The following CDH13 variants were observed in gnomAD, a reference collection of about 807,000 sequenced individuals.
CDH13 encodes the protein cadherin 13.
A neutral mutation model predicts 63.8 loss-of-function variants in CDH13; 24 were observed. The observed-to-expected ratio is 0.38, with a 90% CI of 0.27 to 0.53. The LOEUF is 0.53. Ranked by LOEUF, CDH13 falls within the 20% of genes least tolerant of loss-of-function variation. The pLI is 0.85. For missense variants in CDH13, 1,049 were observed against 903.1 expected (o/e 1.16, Z -2.07); for synonymous variants, 503 against 355.3 (o/e 1.42, Z -4.67).
Position 83,270,950 on chromosome 16 carries a change from C to G in CDH13, c.636+53453C>G, listed in dbSNP as rs535218670. 4.0e-5 allele frequency among the ~76,000 whole-genome samples: 6 copies of G among 148,584 alleles called. No individual in the cohort carries two copies. The East Asian group carries it at 1.2e-3, about 31-fold the overall frequency. On this transcript the variant is annotated intron_variant, in intron 5 of 13. Transcript: ENST00000567109. ...TTCCTTTCTCTTTCCCTTCCTCCCTCCCTCCTTTCTTCCTCCCTCTCTCCT... is the reference window on the plus strand; with the variant it reads ...TTCCTTTCTCTTTCCCTTCCTCCCTGCCTCCTTTCTTCCTCCCTCTCTCCT...
intron 6 of CDH13, among the ~76,000 whole-genome samples, chr16:83,384,795 AT>A (rs1323212482): frequency 6.6e-6 from 1 of 152,204 alleles, no homozygotes; most frequent in Non-Finnish European, 1.5e-5. Context: ...TGGCTTTTGG[AT>A]TCTTTAAGTA....
At chr16:82,867,375 C>T (rs2040185878) in intron 2 of CDH13, among the ~76,000 whole-genome samples, 1 of 152,154 alleles carries the variant, frequency 6.6e-6, no homozygotes, top group African/African-American at 2.4e-5. Flanking sequence ...AGAACTGCTG[C>T]TGCTGCGTAT....
At chr16:83,473,956 G>A (rs17685607) in intron 6 of CDH13, among the ~76,000 whole-genome samples, 2,213 of 152,198 alleles carry the variant, frequency 0.015, 16 homozygotes, top group Non-Finnish European at 0.024. Flanking sequence ...GCTATGGTAC[G>A]AACCCTCATA....
At chr16:83,751,009 T>G (rs1017481595) in intron 11 of CDH13, among the ~76,000 whole-genome samples, 1 of 149,044 alleles carries the variant, frequency 6.7e-6, no homozygotes, top group Non-Finnish European at 1.5e-5. Context: ...AGCATTCTAG[T>G]AGAATAAAGA....
chr16:83,311,062 A>T (rs868648071), intron 5 of CDH13, among the ~76,000 whole-genome samples: 1 of 152,170 alleles, frequency 6.6e-6, no homozygotes. Context: ...AAAGTTCCAT[A>T]TGGAGTTTTA....
chr16:82,893,282 A>T (rs2041145189), intron 2 of CDH13, among the ~76,000 whole-genome samples: 1 of 152,258 alleles, frequency 6.6e-6, no homozygotes, highest in Non-Finnish European at 1.5e-5. Flanking sequence ...GTTTTGATAG[A>T]CATGGCTTAA....
At chr16:83,665,182 AG>A (rs1016547259) in intron 8 of CDH13, among the ~76,000 whole-genome samples, 2 of 151,200 alleles carry the variant, frequency 1.3e-5, no homozygotes, top group Non-Finnish European at 2.9e-5. Flanking sequence ...GAAAAAAAAA[AG>A]CTTCTTCCAC....
At chr16:83,530,691 C>T (rs756910405) in intron 7 of CDH13, among the ~76,000 whole-genome samples, 5 of 152,176 alleles carry the variant, frequency 3.3e-5, no homozygotes, top group Non-Finnish European at 7.3e-5. Context: ...CATTAACTTC[C>T]TTATTTTGTA....
chr16:83,434,043 G>T (rs988824443), intron 6 of CDH13, among the ~76,000 whole-genome samples: 7 of 152,106 alleles, frequency 4.6e-5, no homozygotes, highest in Admixed American at 3.3e-4. Flanking sequence ...AAGGTGAGAG[G>T]TTTCCCAGAA....
intron 5 of CDH13, among the ~76,000 whole-genome samples, chr16:83,290,596 C>T (rs1307187144): frequency 6.6e-6 from 1 of 152,148 alleles, no homozygotes; most frequent in African/African-American, 2.4e-5. Context: ...ATAAATTATG[C>T]AGTCTCAGGT....
At chr16:83,587,024 C>G (rs1200630500) in intron 7 of CDH13, among the ~76,000 whole-genome samples, 1 of 152,188 alleles carries the variant, frequency 6.6e-6, no homozygotes, top group Non-Finnish European at 1.5e-5. Context: ...ATTTATTACT[C>G]TCTCCGTGGG....
At chr16:82,685,305 A>G (rs1012649452) in intron 1 of CDH13, among the ~76,000 whole-genome samples, 1 of 152,192 alleles carries the variant, frequency 6.6e-6, no homozygotes, top group Non-Finnish European at 1.5e-5. Context: ...TTCCTCATCC[A>G]TGGTGCCATC....
At chr16:83,016,695 C>A (rs947057658) in intron 2 of CDH13, among the ~76,000 whole-genome samples, 1 of 152,082 alleles carries the variant, frequency 6.6e-6, no homozygotes, top group Non-Finnish European at 1.5e-5. Flanking sequence ...CACTACCCTG[C>A]CATCTAGAAA....
chr16:83,695,540 TA>T (rs1394641425), intron 10 of CDH13, among the ~76,000 whole-genome samples: 6 of 152,208 alleles, frequency 3.9e-5, no homozygotes, highest in African/African-American at 1.4e-4. Flanking sequence ...CAATGTTGAG[TA>T]AACTGTGACC....
chr16:83,321,636 C>G (rs989220694), intron 5 of CDH13, among the ~76,000 whole-genome samples: 2 of 145,070 alleles, frequency 1.4e-5, no homozygotes, highest in Non-Finnish European at 3.0e-5. Flanking sequence ...TCACAACATT[C>G]TCCTGCCTCA....
intron 3 of CDH13, among the ~76,000 whole-genome samples, chr16:83,119,474 C>T (rs772040433): frequency 4.6e-5 from 7 of 152,200 alleles, no homozygotes; most frequent in Non-Finnish European, 8.8e-5. Context: ...AAAGCCTTTG[C>T]CCACTTGGTA....
chr16:83,281,253 C>G (rs1391012638), intron 5 of CDH13, among the ~76,000 whole-genome samples: 1 of 152,230 alleles, frequency 6.6e-6, no homozygotes. Flanking sequence ...TCGCCTAGCA[C>G]TATGTTATAG....
In CDH13 at chr16:82,914,989, G is replaced by A. The variant is rs1280818289; in HGVS notation, c.157+56516G>A. Among the ~76,000 whole-genome samples, 3 of 152,326 alleles carry A rather than the reference G, an allele frequency of 2.0e-5. No homozygotes were observed. In the East Asian group the frequency reaches 5.8e-4, roughly 29 times the overall value. On this transcript the variant is annotated intron_variant, in intron 2 of 13. Transcript: ENST00000567109. The stretch of plus-strand genomic sequence containing the variant: ...TCCACACTTAACAGGGACAGTGAAT[G>A]GAAGCCAGTGTTAAATTTGCACGAT...
At chr16:83,787,126 C>G (rs1915938717) in intron 13 of CDH13, among the ~76,000 whole-genome samples, 1 of 152,128 alleles carries the variant, frequency 6.6e-6, no homozygotes, top group Non-Finnish European at 1.5e-5. Context: ...GTTTGTAAAA[C>G]CTCCTGTAAT....
Sources: allele counts gnomAD v4.1 joint callset (sites outside exome capture counted in the v4.1 genomes callset), GRCh38; gene constraint gnomAD v4.1.1; transcripts MANE v1.5; gene names NCBI Gene and HGNC (gene_info 2026-07-23, HGNC 2026-07-21).